Variants in IFT46 observed in about 807,000 individuals in gnomAD.
IFT46 encodes intraflagellar transport 46.
IFT46 carries 19 observed loss-of-function variants against 39.6 expected under a neutral mutation model. The observed-to-expected ratio is 0.48, with a 90% CI of 0.33 to 0.70. The LOEUF is 0.70. IFT46 is among the 30% of genes least tolerant of loss of function. The probability of loss-of-function intolerance (pLI) is 0.01; values close to 1 mark genes in which losing one functional copy is unlikely to be tolerated. For synonymous variants in IFT46, 117 were observed against 134.8 expected (o/e 0.87, Z 0.91); for missense variants, 334 against 364.8 (o/e 0.92, Z 0.69).
chr11:118,560,457 G>A (rs1170820511), intron 2 of IFT46: 2 of 148,766 alleles, frequency 1.3e-5, no homozygotes, highest in South Asian at 1.5e-4. Context: ...GAGGGGAGGG[G>A]AGGGGAGGGG....
intron 3 of IFT46, among the ~76,000 whole-genome samples, chr11:118,558,393 G>A (rs1403446696): frequency 6.6e-6 from 1 of 151,900 alleles, no homozygotes; most frequent in African/African-American, 2.4e-5. Context: ...TCAGGAGTTC[G>A]AGACCAGCCT....
At chr11:118,572,418 A>G in intron 1 of IFT46, 1 of 672,132 alleles carries the variant, frequency 1.5e-6, no homozygotes, top group Non-Finnish European at 2.0e-6. Context: ...CATCTTGGCA[A>G]GAGGCGAAGC....
intron 3 of IFT46, among the ~76,000 whole-genome samples, chr11:118,559,023 C>T (rs539939945): frequency 1.3e-5 from 2 of 151,002 alleles, no homozygotes; most frequent in South Asian, 2.1e-4. Flanking sequence ...CCCGCCACCA[C>T]GCCCAGCTAA....
upstream of IFT46, chr11:118,573,894 GA>G (rs1938418987): frequency 2.1e-6 from 1 of 470,548 alleles, no homozygotes; most frequent in Non-Finnish European, 3.8e-6. Flanking sequence ...TTTGGTTAGT[GA>G]TTTTGAAACT....
chr11:118,565,360 G>A (rs1938188785), intron 1 of IFT46, among the ~76,000 whole-genome samples: 1 of 149,298 alleles, frequency 6.7e-6, no homozygotes. Flanking sequence ...CACGCGCAAG[G>A]GCAGAACACT....
chr11:118,572,348 G>GCCC lies in IFT46; in HGVS notation c.-133+245_-133+247dup, dbSNP rs375845726. 70 of 97,320 alleles carry GCCC rather than the reference G, an allele frequency of 7.2e-4. 8 individuals carry two copies. The highest frequency in any genetic ancestry group is 3.8e-3 in the South Asian group (25 of 6,512). 6.0% of individuals were successfully genotyped at this position (97,320 alleles called of 1,614,324 possible). On this transcript the variant is annotated intron_variant, in intron 1 of 5. Coordinates refer to the IFT46 transcript ENST00000528378. Reference sequence around the variant, plus strand: ...TCAATTTCCCCAGCCCACAGGCCCCGCCCCCCCCCCCGCCCTTTGACCTGC... The same window carrying GCCC: ...TCAATTTCCCCAGCCCACAGGCCCCGCCCCCCCCCCCCCCGCCCTTTGACCTGC...
chr11:118,552,552 G>A (rs539020704), intron 7 of IFT46, among the ~76,000 whole-genome samples: 6 of 152,288 alleles, frequency 3.9e-5, no homozygotes, highest in African/African-American at 1.4e-4. Context: ...TAGCACTTTG[G>A]CAGTCTGAGG....
upstream of IFT46, among the ~76,000 whole-genome samples, chr11:118,575,411 G>GGTGTGTGT (rs56934953): frequency 0.11 from 16,743 of 149,104 alleles, 1,422 homozygotes; most frequent in East Asian, 0.43. Context: ...ACTGATAACG[G>GGTGTGTGT]GTGTGTGTGT....
intron 8 of IFT46, 79 bp downstream of exon 8, chr11:118,552,135 G>T: frequency 6.5e-7 from 1 of 1,538,976 alleles, no homozygotes. Context: ...CAGCCTCTGG[G>T]CCTCTTCTCA....
chr11:118,565,728 G>A (rs1938206674), intron 1 of IFT46, 62 bp downstream of exon 1: 1 of 152,594 alleles, frequency 6.6e-6, no homozygotes. Flanking sequence ...GGGGTAAAGG[G>A]GAGTCCTCTT....
intron 2 of IFT46, among the ~76,000 whole-genome samples, chr11:118,564,369 CTATT>C (rs1186276823): frequency 7.9e-5 from 12 of 151,992 alleles, no homozygotes; most frequent in African/African-American, 1.7e-4. Flanking sequence ...TCATTTAACA[CTATT>C]TACCCAAGTG....
In IFT46 at chr11:118,548,862, C is replaced by T. The variant is rs191458787; in HGVS notation, c.672+2924G>A. Among the ~76,000 whole-genome samples the T allele has an allele frequency of 9.8e-3, 1,473 of 150,686 alleles. 13 individuals carry two copies. The highest frequency in any genetic ancestry group is 0.016 in the Non-Finnish European group (1,109 of 67,738). On this transcript the variant is annotated intron_variant, in intron 9 of 11. Transcript: ENST00000264021. Reference sequence around the variant, plus strand: ...TCTCAAACTCCTGGGCTCAAGCAATCCTCCCATTTTGGCCTCCCACTCCAT... The same window carrying T: ...TCTCAAACTCCTGGGCTCAAGCAATTCTCCCATTTTGGCCTCCCACTCCAT...
intron 9 of IFT46, among the ~76,000 whole-genome samples, chr11:118,550,478 C>G (rs952281363): frequency 1.3e-5 from 2 of 150,580 alleles, no homozygotes; most frequent in Non-Finnish European, 3.0e-5. Flanking sequence ...CTTTTTTTCC[C>G]TTCTTTTATT....
Position 118,544,996 on chromosome 11 carries a change from C to A in IFT46, c.835G>T (p.Ala279Ser). ...FKNSQHFKALAEGKKAFTPSS... is the reference protein window; with the variant it reads ...FKNSQHFKALSEGKKAFTPSS... ...GGAGTGAATGCTTTCTTGCCTTCAG[C>A]GAGAGCTTTAAAATGCTGCAAGGAA... is the stretch of plus-strand genomic sequence containing the variant. Residue 279 changes from alanine (A) to serine (S), a missense_variant, in exon 12 of 12, where the codon GCT (alanine) becomes TCT (serine). Ala to Ser is a moderately conservative substitution (Grantham distance 99). Coordinates refer to ENST00000264021, the MANE Select transcript of IFT46 (RefSeq NM_001168618.2). The A allele has an allele frequency of 6.2e-6, 10 of 1,612,046 alleles. No homozygotes were observed. The highest frequency in any genetic ancestry group is 1.1e-5 in the South Asian group (1 of 90,662).
At chr11:118,568,315 C>T (rs911969264), upstream of IFT46, among the ~76,000 whole-genome samples, 1 of 151,998 alleles carries the variant, frequency 6.6e-6, no homozygotes, top group African/African-American at 2.4e-5. Flanking sequence ...TTTGGGAGGC[C>T]GAGGCAGGTG....
At position 118,559,796 on chromosome 11, in the gene IFT46, C is replaced by T. The variant is rs977838313; in HGVS notation, c.34G>A (p.Glu12Lys). ...GAGTTTTACTGTACCTTGTTATTTT[C>T]CTCTTCACACTCATCACTGCTGTTA... ...ADNSSDECEE[E>K]NNKEKKKTSQ... Residue 12 changes from glutamate (E) to lysine (K), a missense_variant, in exon 3 of 12, where the codon GAA becomes AAA. By Grantham distance (56) the Glu-to-Lys change is moderately conservative. Coordinates refer to ENST00000264021, the MANE Select transcript of IFT46 (RefSeq NM_001168618.2). 1.9e-6 allele frequency: 3 copies of T among 1,613,304 alleles called. No individual in the cohort carries two copies. Among genetic ancestry groups the T allele is most frequent in the African/African-American group, 1.3e-5 (1 of 75,028 alleles).
At chr11:118,574,585 T>G (rs761469114), upstream of IFT46, among the ~76,000 whole-genome samples, 1 of 152,230 alleles carries the variant, frequency 6.6e-6, no homozygotes, top group African/African-American at 2.4e-5. Flanking sequence ...GTTGCAGATA[T>G]CAGTACGTAA....
intron 3 of IFT46, chr11:118,557,561 C>T: frequency 1.5e-6 from 1 of 686,706 alleles, no homozygotes; most frequent in Non-Finnish European, 2.4e-6. Flanking sequence ...AACCTTGTGC[C>T]CATCAAACCA....
chr11:118,570,047 T>A (rs1469926556), upstream of IFT46, among the ~76,000 whole-genome samples: 2 of 136,708 alleles, frequency 1.5e-5, no homozygotes, highest in African/African-American at 2.7e-5. Flanking sequence ...ACGCCCAGCT[T>A]TTTTTTTTTT....
Sources: allele counts gnomAD v4.1 joint callset (sites outside exome capture counted in the v4.1 genomes callset), GRCh38; gene constraint gnomAD v4.1.1; transcripts MANE v1.5; gene names NCBI Gene and HGNC (gene_info 2026-07-23, HGNC 2026-07-21).